The following ZFYVE28 variants were observed in gnomAD, a reference collection of about 807,000 sequenced individuals.
ZFYVE28 encodes the protein lateral signaling target protein 2 homolog.
A neutral mutation model predicts 82.1 loss-of-function variants in ZFYVE28; 40 were observed. The ratio of observed to expected loss-of-function variants is 0.49; its 90% CI spans 0.38 to 0.63. The LOEUF (loss-of-function observed/expected upper bound fraction) is 0.63, where lower values mean the gene tolerates loss of function less well. Ranked by LOEUF, ZFYVE28 falls within the 30% of genes least tolerant of loss-of-function variation. The pLI is 0.00. For missense variants in ZFYVE28, 1,321 were observed against 1,242.1 expected (o/e 1.06, Z -0.96); for synonymous variants, 612 against 546.1 (o/e 1.12, Z -1.68).
rs1463740476 is a variant in ZFYVE28 at position 2,332,912 on chromosome 4, C to T, written c.701+2793G>A. 1.3e-5 allele frequency among the ~76,000 whole-genome samples: 2 copies of T among 152,138 alleles called. No individual in the cohort carries two copies. Among genetic ancestry groups the T allele is most frequent in the Non-Finnish European group, 2.9e-5 (2 of 67,998 alleles). The stretch of plus-strand genomic sequence containing the variant: ...ACAGCCTGGCTCTGTGGCTAGATGC[C>T]TGCCTCTGTGGGGGCTCACAGCTGG... On this transcript the variant is annotated intron_variant, in intron 6 of 12. Coordinates refer to ENST00000290974, the MANE Select transcript of ZFYVE28 (RefSeq NM_020972.3). This position sits in a 1 kb window ranked among gnomAD's most constrained non-coding sequence, Gnocchi z 4.7.
At chr4:2,413,445 A>C (rs1732724465) in intron 1 of ZFYVE28, among the ~76,000 whole-genome samples, 2 of 152,182 alleles carry the variant, frequency 1.3e-5, no homozygotes, top group South Asian at 4.1e-4. Context: ...CAGCTGAGAG[A>C]GACCGGTGCG....
At chr4:2,287,483 G>C (rs1480604157) in intron 8 of ZFYVE28, 1 of 152,270 alleles carries the variant, frequency 6.6e-6, no homozygotes, top group Middle Eastern at 3.2e-3. Context: ...CCCCTGAAGG[G>C]CCTCTGAGTT....
intron 2 of ZFYVE28, among the ~76,000 whole-genome samples, chr4:2,344,447 C>G (rs903803216): frequency 2.6e-5 from 4 of 152,206 alleles, no homozygotes; most frequent in African/African-American, 9.7e-5. Context: ...CTAAACACAG[C>G]TCTGGTCCTG....
intron 1 of ZFYVE28, among the ~76,000 whole-genome samples, chr4:2,384,717 T>C (rs1053277828): frequency 1.3e-5 from 2 of 152,128 alleles, no homozygotes; most frequent in Non-Finnish European, 2.9e-5. Context: ...CCAAGACTTG[T>C]GAACAAATGA....
intron 8 of ZFYVE28, among the ~76,000 whole-genome samples, chr4:2,283,972 G>T (rs764270233): frequency 1.4e-4 from 22 of 152,246 alleles, no homozygotes; most frequent in Non-Finnish European, 2.8e-4. Flanking sequence ...GGGCTGGACA[G>T]TTCGGACCTT....
At chr4:2,370,079 ATC>A (rs1727367428) in intron 1 of ZFYVE28, among the ~76,000 whole-genome samples, 1 of 151,526 alleles carries the variant, frequency 6.6e-6, no homozygotes, top group African/African-American at 2.4e-5. Context: ...TGATCTCCTG[ATC>A]TCGTGATCCG....
At chr4:2,355,149 A>G (rs1375372526) in intron 1 of ZFYVE28, among the ~76,000 whole-genome samples, 1 of 140,722 alleles carries the variant, frequency 7.1e-6, no homozygotes, top group African/African-American at 2.6e-5. Context: ...CCTGGATCAG[A>G]GTTTCGAGGA....
rs1309848209 is a variant in ZFYVE28, at chr4:2,372,687, C to A, written c.40-18614G>T. Among the ~76,000 whole-genome samples, 1 of 152,084 alleles carries A rather than the reference C, an allele frequency of 6.6e-6. No individual in the cohort carries two copies. The highest frequency in any genetic ancestry group is 2.1e-4 in the South Asian group (1 of 4,822). ...GGTGGGCACTGGCTGTCACTCCCTC[C>A]GCAGAGGCAGGGGCAGGCACTCCAG... On this transcript the variant is annotated intron_variant, in intron 1 of 12. Coordinates refer to ENST00000290974, the MANE Select transcript of ZFYVE28 (RefSeq NM_020972.3). The surrounding 1 kb of genome is among the most constrained non-coding windows in gnomAD (Gnocchi z 5.2).
At position 2,273,138 on chromosome 4, in the gene ZFYVE28, G is replaced by A. The variant is rs373910118; in HGVS notation, c.2323+35C>T. 2.4e-4 allele frequency: 372 copies of A among 1,549,072 alleles called. 1 individual carries two copies. The African/African-American group carries it at 3.4e-3, about 14-fold the overall frequency. ...TGTGGGCAGGGACACGGCCACCAGC[G>A]CAGGCCTCAGAGCCCGTCCTGAGTG... On this transcript the variant is annotated intron_variant, in intron 10 of 12. Coordinates refer to ENST00000290974, the MANE Select transcript of ZFYVE28 (RefSeq NM_020972.3).
intron 1 of ZFYVE28, among the ~76,000 whole-genome samples, chr4:2,381,460 G>A (rs966452167): frequency 1.3e-5 from 2 of 152,216 alleles, no homozygotes; most frequent in Non-Finnish European, 2.9e-5. Context: ...AGGCTGGAGT[G>A]CAATGGTGTG....
intron 1 of ZFYVE28, among the ~76,000 whole-genome samples, chr4:2,402,617 G>C (rs889082985): frequency 2.6e-5 from 4 of 152,218 alleles, no homozygotes; most frequent in African/African-American, 9.6e-5. Context: ...ACACAGCAGA[G>C]AGCGGGCAGG....
chr4:2,334,307 C>T (rs1472175468), intron 6 of ZFYVE28, among the ~76,000 whole-genome samples: 1 of 152,046 alleles, frequency 6.6e-6, no homozygotes, highest in Non-Finnish European at 1.5e-5. Flanking sequence ...GAGTGAGCGG[C>T]CTGGCCCAGG....
At chr4:2,308,180 T>C (rs184797610) in intron 7 of ZFYVE28, among the ~76,000 whole-genome samples, 1 of 152,204 alleles carries the variant, frequency 6.6e-6, no homozygotes, top group African/African-American at 2.4e-5. Context: ...AGTTCAGTGA[T>C]GTAAACACAG....
intron 8 of ZFYVE28, among the ~76,000 whole-genome samples, chr4:2,276,185 G>GC (rs1221373931): frequency 6.6e-6 from 1 of 151,960 alleles, no homozygotes; most frequent in African/African-American, 2.4e-5. Flanking sequence ...GCTGCACGGG[G>GC]CCCCCTCCCT....
Position 2,320,232 on chromosome 4 carries a change from G to A in ZFYVE28, c.741C>T (p.Asp247=), listed in dbSNP as rs758022045. The A allele has an allele frequency of 1.4e-5, 22 of 1,613,966 alleles. 1 individual carries two copies. In the South Asian group the frequency reaches 2.1e-4, roughly 15 times the overall value. The change falls in exon 7 of 13, where the codon GAC becomes GAT. Residue 247 remains aspartate, a synonymous_variant. Coordinates refer to ENST00000290974, the MANE Select transcript of ZFYVE28 (RefSeq NM_020972.3). The surrounding 1 kb of genome is among the most constrained non-coding windows in gnomAD (Gnocchi z 5.1). ...GCTCGGACATGTCTTCCACCTTGCG[G>A]TCCAAGTTCAGAGGTCCGTCCGCAT... is the stretch of plus-strand genomic sequence containing the variant. The part of the protein sequence containing the change: ...VVYADGPLNL[D]RKVEDMSELF...
At chr4:2,346,816 A>C (rs1262936555) in intron 2 of ZFYVE28, among the ~76,000 whole-genome samples, 2 of 152,168 alleles carry the variant, frequency 1.3e-5, no homozygotes, top group Non-Finnish European at 2.9e-5. Context: ...ATAAAAATTA[A>C]GAGAGGAAAT....
At chr4:2,360,239 C>T (rs1379885728) in intron 1 of ZFYVE28, among the ~76,000 whole-genome samples, 1 of 151,954 alleles carries the variant, frequency 6.6e-6, no homozygotes, top group Admixed American at 6.6e-5. Context: ...CGCCCCACAC[C>T]ATGCCATGAC....
At position 2,335,903 on chromosome 4, in the gene ZFYVE28, G is replaced by T; in HGVS notation, c.612-109C>A. 1 of 874,054 alleles carries T rather than the reference G, an allele frequency of 1.1e-6. No individual in the cohort carries two copies. Among genetic ancestry groups the T allele is most frequent in the Non-Finnish European group, 1.8e-6 (1 of 545,988 alleles). The allele number at this position is 874,054 out of a possible 1,614,324, so 54.1% of individuals were successfully genotyped here. On this transcript the variant is annotated intron_variant, in intron 5 of 12. Transcript: ENST00000290974. The surrounding 1 kb of genome is among the most constrained non-coding windows in gnomAD (Gnocchi z 5.8). ...GCTCAATCTGTACCTGCAGCCACGC[G>T]TGGTGGCCACGTCAAGAGGTGACAC...
chr4:2,320,031 C>T lies in ZFYVE28; in HGVS notation c.803+139G>A. ...CCCCATGGGTCGTTTGTGACCCCTC[C>T]CTAGGGAATATTAACCAGCCCATCC... On this transcript the variant is annotated intron_variant, in intron 7 of 12. Coordinates refer to ENST00000290974, the MANE Select transcript of ZFYVE28 (RefSeq NM_020972.3). This position sits in a 1 kb window ranked among gnomAD's most constrained non-coding sequence, Gnocchi z 5.1. 1.2e-6 allele frequency: 1 copy of T among 837,972 alleles called. No individual in the cohort carries two copies. 51.9% of individuals were successfully genotyped at this position (837,972 alleles called of 1,614,324 possible).
Sources: gnomAD v4.1 joint callset for allele counts (sites outside exome capture counted in the v4.1 genomes callset) on GRCh38, gnomAD v4.1.1 for gene constraint, Gnocchi (gnomAD v3.1) non-coding constraint, MANE v1.5 for transcripts, NCBI Gene and HGNC (gene_info 2026-07-23, HGNC 2026-07-21) for gene names.